USP47: variants seen among roughly 807,000 people sequenced by gnomAD.
The protein encoded by USP47 is ubiquitin carboxyl-terminal hydrolase 47.
A neutral mutation model predicts 165.1 loss-of-function variants in USP47; 35 were observed. That is an observed-to-expected ratio of 0.21 (90% confidence interval 0.16 to 0.28). The LOEUF (loss-of-function observed/expected upper bound fraction) is 0.28, where lower values mean the gene tolerates loss of function less well. Ranked by LOEUF, USP47 falls within the 10% of genes least tolerant of loss-of-function variation. The pLI is 1.00. For synonymous variants in USP47, 531 were observed against 544.5 expected (o/e 0.98, Z 0.35); for missense variants, 1,277 against 1,607.4 (o/e 0.79, Z 3.52).
intron 8 of USP47, among the ~76,000 whole-genome samples, chr11:11,915,487 C>T (rs1200230398): frequency 1.3e-5 from 2 of 152,120 alleles, no homozygotes; most frequent in Non-Finnish European, 2.9e-5. Flanking sequence ...GACACATATA[C>T]ACAGGCAAAT....
At chr11:11,894,911 T>C (rs960194038) in intron 4 of USP47, among the ~76,000 whole-genome samples, 2 of 151,916 alleles carry the variant, frequency 1.3e-5, no homozygotes, top group Non-Finnish European at 2.9e-5. Context: ...ATCTTATCTT[T>C]CCTCTATATG....
At chr11:11,866,262 A>G (rs1763266313) in intron 1 of USP47, among the ~76,000 whole-genome samples, 1 of 152,228 alleles carries the variant, frequency 6.6e-6, no homozygotes, top group Non-Finnish European at 1.5e-5. Flanking sequence ...AACACTGAGT[A>G]ACAATTTTAC....
chr11:11,929,553 A>G lies in USP47; in HGVS notation c.1506A>G (p.Gln502=), dbSNP rs1032193126. 4 of 1,612,940 alleles carry G rather than the reference A, an allele frequency of 2.5e-6. No individual in the cohort carries two copies. Among genetic ancestry groups the G allele is most frequent in the Admixed American group, 1.7e-5 (1 of 59,972 alleles). ...AGCAGTGGTACAGCTTCAATGATCA[A>G]CATGTCAGCAGGGTAAGGAGGTGTC... ...SDEQWYSFND[Q]HVSRITQEDI... The change falls in exon 12 of 28, where the codon CAA becomes CAG. Residue 502 remains glutamine (Q), a synonymous_variant. Transcript: ENST00000527733.
intron 16 of USP47, among the ~76,000 whole-genome samples, chr11:11,935,184 A>G (rs1854965381): frequency 6.6e-6 from 1 of 152,086 alleles, no homozygotes. Flanking sequence ...GAAATTTTAC[A>G]TTTAATTGTT....
chr11:11,943,275 T>A, intron 20 of USP47, 163 bp downstream of exon 20: 1 of 645,162 alleles, frequency 1.5e-6, no homozygotes, highest in Non-Finnish European at 2.4e-6. Flanking sequence ...TTCTTAGACC[T>A]GTGCAGTAAA....
intron 8 of USP47, among the ~76,000 whole-genome samples, chr11:11,911,203 A>G (rs1207835691): frequency 2.0e-5 from 3 of 152,320 alleles, no homozygotes; most frequent in African/African-American, 7.2e-5. Context: ...ATAGACTGAA[A>G]AAAATATATA....
In USP47 at chr11:11,842,035, G is replaced by A. The variant is rs953208090; in HGVS notation, c.-151G>A. ...AGCCCTGGGTCGGTGTCTGCGCGCT[G>A]GTGTCTGAGGCCCAGGCTGAGGCCT... On this transcript the variant is annotated 5_prime_UTR_variant, in exon 1 of 28. Coordinates refer to ENST00000527733, the MANE Select transcript of USP47 (RefSeq NM_001282659.2). 2.2e-6 allele frequency: 2 copies of A among 923,254 alleles called. No individual in the cohort carries two copies. Among genetic ancestry groups the A allele is most frequent in the Non-Finnish European group, 3.2e-6 (2 of 631,458 alleles). The allele number at this position is 923,254 out of a possible 1,614,324, so 57.2% of individuals were successfully genotyped here.
intron 3 of USP47, among the ~76,000 whole-genome samples, chr11:11,888,745 A>G (rs996836572): frequency 1.3e-5 from 2 of 152,174 alleles, no homozygotes; most frequent in African/African-American, 4.8e-5. Context: ...CAGAGATACA[A>G]CAAGAAAAGA....
intron 1 of USP47, among the ~76,000 whole-genome samples, chr11:11,870,235 C>G (rs1037572620): frequency 1.3e-5 from 2 of 151,898 alleles, no homozygotes; most frequent in Non-Finnish European, 2.9e-5. Context: ...TCACAGTCTA[C>G]AGGTGTTATT....
At chr11:11,877,788 TTTC>T (rs1850536606) in intron 1 of USP47, among the ~76,000 whole-genome samples, 4 of 91,766 alleles carry the variant, frequency 4.4e-5, no homozygotes, top group African/African-American at 1.8e-4. Flanking sequence ...TCTCTCTCTC[TTTC>T]TCTCTCTCTC....
chr11:11,950,066 C>A, intron 23 of USP47, 62 bp downstream of exon 23: 1 of 1,222,660 alleles, frequency 8.2e-7, no homozygotes, highest in Non-Finnish European at 1.2e-6. Flanking sequence ...TTGAAATGGA[C>A]TGGTATGATT....
intron 11 of USP47, among the ~76,000 whole-genome samples, chr11:11,925,386 A>G (rs982683851): frequency 2.0e-5 from 3 of 152,084 alleles, no homozygotes; most frequent in Non-Finnish European, 4.4e-5. Context: ...TACAGGCGTG[A>G]GCCACCGCAC....
intron 1 of USP47, among the ~76,000 whole-genome samples, chr11:11,874,895 T>G (rs72856358): frequency 6.6e-6 from 1 of 152,278 alleles, no homozygotes; most frequent in Non-Finnish European, 1.5e-5. Flanking sequence ...AACAAAAATA[T>G]TCATACTATC....
At chr11:11,843,125 C>T (rs1848234250) in intron 1 of USP47, among the ~76,000 whole-genome samples, 1 of 152,144 alleles carries the variant, frequency 6.6e-6, no homozygotes, top group African/African-American at 2.4e-5. Context: ...TAAATAGAGA[C>T]AAGTGTTGGA....
chr11:11,900,377 GTCTC>G (rs2134436448), intron 5 of USP47, among the ~76,000 whole-genome samples: 1 of 152,048 alleles, frequency 6.6e-6, no homozygotes, highest in South Asian at 2.1e-4. Flanking sequence ...AGCCAGGATG[GTCTC>G]GATCTCCTGA....
intron 8 of USP47, among the ~76,000 whole-genome samples, chr11:11,912,037 A>T (rs998926538): frequency 7.2e-5 from 11 of 152,100 alleles, no homozygotes. Context: ...AATGAAAAGT[A>T]AAACATAACG....
chr11:11,879,522 C>T (rs1403836984), intron 1 of USP47, among the ~76,000 whole-genome samples: 1 of 152,002 alleles, frequency 6.6e-6, no homozygotes, highest in Non-Finnish European at 1.5e-5. Context: ...AATTTGTGAC[C>T]CTAATTCCTT....
At chr11:11,908,366 T>C (rs538850815) in intron 8 of USP47, among the ~76,000 whole-genome samples, 12 of 152,174 alleles carry the variant, frequency 7.9e-5, no homozygotes, top group Middle Eastern at 3.4e-3. Context: ...CTCAAACTCC[T>C]GGCCTCTAGC....
chr11:11,910,299 T>C (rs1852870351), intron 8 of USP47, among the ~76,000 whole-genome samples: 2 of 152,102 alleles, frequency 1.3e-5, no homozygotes, highest in South Asian at 2.1e-4. Flanking sequence ...TTGCCTAATA[T>C]ATCCCAGGCT....
Sources: gnomAD v4.1 joint callset for allele counts (sites outside exome capture counted in the v4.1 genomes callset) on GRCh38, gnomAD v4.1.1 for gene constraint, MANE v1.5 for transcripts, NCBI Gene and HGNC (gene_info 2026-07-23, HGNC 2026-07-21) for gene names.